MED19: variants seen among roughly 807,000 people sequenced by gnomAD.
The protein encoded by MED19 is mediator complex subunit 19, also known as mediator of RNA polymerase II transcription subunit 19.
In MED19, 4 loss-of-function variants were observed where a neutral mutation model predicts 19.9. The ratio of observed to expected loss-of-function variants is 0.20; its 90% CI spans 0.10 to 0.46. MED19 has a LOEUF of 0.46. Among genes scored for constraint, MED19 ranks in the 20% least tolerant of loss-of-function variants. MED19 has a pLI of 0.99. For synonymous variants in MED19, 139 were observed against 119.6 expected, an observed-to-expected ratio of 1.16 and a Z score of -1.06; for missense variants, 303 against 318.7, an observed-to-expected ratio of 0.95 and a Z score of 0.38.
At chr11:57,711,824 G>A (rs1411728310) in intron 1 of MED19, 139 bp downstream of exon 1, 2 of 900,972 alleles carry the variant, frequency 2.2e-6, no homozygotes, top group East Asian at 6.5e-5. Flanking sequence ...AATCCTAACA[G>A]CGCTTCCGAC....
chr11:57,710,514 G>A (rs1327694087), intron 1 of MED19, among the ~76,000 whole-genome samples: 57 of 152,172 alleles, frequency 3.7e-4, no homozygotes, highest in Non-Finnish European at 5.9e-5. Flanking sequence ...CTGATTTTCT[G>A]TCCCTCAGAT....
At chr11:57,710,068 A>G (rs1269674542) in intron 1 of MED19, among the ~76,000 whole-genome samples, 1 of 152,218 alleles carries the variant, frequency 6.6e-6, no homozygotes, top group Non-Finnish European at 1.5e-5. Flanking sequence ...CTATGTTAAA[A>G]TGGCTTTCCT....
exon 5 of MED19, chr11:57,703,825 G>A: frequency 1.8e-6 from 1 of 551,820 alleles, no homozygotes; most frequent in Non-Finnish European, 2.9e-6. Context: ...GAGAGGAAGA[G>A]ATGTCCATGA....
chr11:57,706,431 G>T (rs1216799812), intron 1 of MED19, among the ~76,000 whole-genome samples: 1 of 152,160 alleles, frequency 6.6e-6, no homozygotes, highest in Non-Finnish European at 1.5e-5. Flanking sequence ...GGGATTACAG[G>T]TGTGAGCCAC....
chr11:57,706,002 T>C (rs1565203871), intron 1 of MED19, among the ~76,000 whole-genome samples: 1 of 152,058 alleles, frequency 6.6e-6, no homozygotes, highest in African/African-American at 2.4e-5. Flanking sequence ...GGACTTTTTT[T>C]TTTTTTTACT....
At chr11:57,711,887 T>A in intron 1 of MED19, 76 bp downstream of exon 1, 1 of 1,367,978 alleles carries the variant, frequency 7.3e-7, no homozygotes, top group Non-Finnish European at 9.5e-7. Flanking sequence ...GCACCTCCGC[T>A]AGCCGGCTGA....
At chr11:57,704,536 A>C in intron 3 of MED19, 140 bp from the exon 4 acceptor site, 2 of 1,584,290 alleles carry the variant, frequency 1.3e-6, no homozygotes, top group Non-Finnish European at 1.7e-6. Context: ...AGGTGCTGCT[A>C]GAGTCCCTGT....
chr11:57,712,181 G>A lies in MED19; in HGVS notation c.-2C>T, dbSNP rs200909581. On this transcript the variant is annotated 5_prime_UTR_variant, in exon 1 of 5. The change creates a new upstream start codon in the 5' untranslated region. Coordinates refer to ENST00000431606, the Ensembl canonical transcript of MED19. ...AAACAGTGCCGTGAAATTCTCCATCGTACCCTCCGCCCCGGCGCTGTCTCC... is the reference window on the plus strand; with the variant it reads ...AAACAGTGCCGTGAAATTCTCCATCATACCCTCCGCCCCGGCGCTGTCTCC... 9.9e-6 allele frequency: 15 copies of A among 1,519,358 alleles called. No homozygotes were observed. The highest frequency in any genetic ancestry group is 1.1e-5 in the Non-Finnish European group (13 of 1,133,650). The allele number at this position is 1,519,358 out of a possible 1,614,324, so 94.1% of individuals were successfully genotyped here.
intron 1 of MED19, among the ~76,000 whole-genome samples, chr11:57,707,196 T>G (rs1247099486): frequency 8.1e-6 from 1 of 122,798 alleles, no homozygotes; most frequent in Non-Finnish European, 1.7e-5. Context: ...AGATTCCATC[T>G]CAAAAAAAAA....
chr11:57,703,912 G>A, exon 5 of MED19: 1 of 1,396,912 alleles, frequency 7.2e-7, no homozygotes, highest in South Asian at 1.5e-5. Flanking sequence ...GAGCCCAACA[G>A]GAGCTGGCCT....
At chr11:57,711,852 G>A (rs534574996) in intron 1 of MED19, 111 bp downstream of exon 1, 1 of 1,201,490 alleles carries the variant, frequency 8.3e-7, no homozygotes, top group Non-Finnish European at 1.1e-6. Context: ...TCCACAGTCC[G>A]GGTATGCGTT....
intron 1 of MED19, among the ~76,000 whole-genome samples, chr11:57,706,765 C>A (rs900329197): frequency 1.3e-5 from 2 of 151,964 alleles, no homozygotes; most frequent in Non-Finnish European, 2.9e-5. Flanking sequence ...ACAACAAAAA[C>A]AAAAAAACAA....
chr11:57,708,137 TA>T (rs112096138), intron 1 of MED19, among the ~76,000 whole-genome samples: 3,720 of 141,684 alleles, frequency 0.026, 96 homozygotes, highest in African/African-American at 0.084. Flanking sequence ...CCCAACAAGA[TA>T]AAAAAAAAAA....
At chr11:57,711,830 CCGA>C in intron 1 of MED19, 130 bp downstream of exon 1, 1 of 989,800 alleles carries the variant, frequency 1.0e-6, no homozygotes, top group South Asian at 2.6e-5. Context: ...AACAGCGCTT[CCGA>C]CTTAGGGCTC....
In MED19 at chr11:57,705,299, A is replaced by G. The variant is rs1946496627; in HGVS notation, c.218-70T>C. 8 of 1,482,834 alleles carry G rather than the reference A, an allele frequency of 5.4e-6. No homozygotes were observed. In the African/African-American group the frequency reaches 5.7e-5, roughly 10 times the overall value. 91.9% of individuals were successfully genotyped at this position (1,482,834 alleles called of 1,614,324 possible). A position where few individuals can be genotyped will look rare whatever the true frequency, so the allele number is the denominator to read the frequency against. On this transcript the variant is annotated intron_variant, in intron 1 of 4. Coordinates refer to ENST00000431606, the Ensembl canonical transcript of MED19. ...AGACCCAGGGAGTGAAGGACTATAT[A>G]TTAACCTAAATAAGACATTTTTTAA...
At chr11:57,705,195 G>A in exon 2 of MED19, 1 of 1,614,148 alleles carries the variant, frequency 6.2e-7, no homozygotes, top group Non-Finnish European at 8.5e-7. Context: ...TGTAGTGTGT[G>A]ATCAGATTCG....
chr11:57,703,792 G>A, exon 5 of MED19: 1 of 463,202 alleles, frequency 2.2e-6, no homozygotes, highest in Non-Finnish European at 3.7e-6. Flanking sequence ...AAAAGAGAGA[G>A]AAGAAAATTG....
At chr11:57,706,730 C>T (rs1946511981) in intron 1 of MED19, among the ~76,000 whole-genome samples, 1 of 151,862 alleles carries the variant, frequency 6.6e-6, no homozygotes, top group Non-Finnish European at 1.5e-5. Flanking sequence ...GAGACCCTGT[C>T]TCAAAAAAAA....
At chr11:57,703,795 G>A (rs1487946415) in exon 5 of MED19, 2 of 470,930 alleles carry the variant, frequency 4.2e-6, no homozygotes, top group African/African-American at 3.9e-5. Flanking sequence ...AGAGAGAGAA[G>A]AAAATTGTAA....
Sources: gnomAD v4.1 joint callset for allele counts (sites outside exome capture counted in the v4.1 genomes callset) on GRCh38, gnomAD v4.1.1 for gene constraint, MANE v1.5 for transcripts, NCBI Gene and HGNC (gene_info 2026-07-23, HGNC 2026-07-21) for gene names.